LTBP1: variants seen among roughly 807,000 people sequenced by gnomAD.
The protein encoded by LTBP1 is latent transforming growth factor beta binding protein 1.
LTBP1 carries 129 observed loss-of-function variants against 207.6 expected under a neutral mutation model. The observed-to-expected ratio is 0.62, with a 90% CI of 0.54 to 0.72. The LOEUF is 0.72. Ranked by LOEUF, LTBP1 falls within the 30% of genes least tolerant of loss-of-function variation. The pLI, the probability that LTBP1 is intolerant of heterozygous loss-of-function variation, is 0.00. For synonymous variants in LTBP1, 963 were observed against 833.7 expected (o/e 1.16, Z -2.67); for missense variants, 2,281 against 2,217.2 (o/e 1.03, Z -0.58).
Position 32,947,562 on chromosome 2 carries a change from C to T in LTBP1, c.238C>T (p.Pro80Ser). The T allele has an allele frequency of 7.4e-7, 1 of 1,349,396 alleles. No homozygotes were observed. The highest frequency in any genetic ancestry group is 9.5e-7 in the Non-Finnish European group (1 of 1,053,556). The allele number at this position is 1,349,396 out of a possible 1,614,324, so 83.6% of individuals were successfully genotyped here. ...GAPSRASPGVPSERTRRTSKP... is the reference protein window; with the variant it reads ...GAPSRASPGVSSERTRRTSKP... ...CCCCAGCCGTGCCTCCCCCGGGGTC[C>T]CCTCGGAGAGGACCCGGCGCACGAG... is the stretch of plus-strand genomic sequence containing the variant. Residue 80 changes from proline (P) to serine (S), a missense_variant, in exon 1 of 34, where the codon CCC becomes TCC. This residue lies in a region of LTBP1 where 555 missense variants were observed against 491.0 expected (regional missense o/e 1.13). Transcript: ENST00000404816.
Position 33,232,907 on chromosome 2 carries a change from T to A in LTBP1, c.1877-10755T>A, listed in dbSNP as rs969070536. ...TAGTTGTTTTCTAGTGGTGCTTGAC[T>A]ACATTATACCAAAGTCTTCTGACTT... is the stretch of plus-strand genomic sequence containing the variant. On this transcript the variant is annotated intron_variant, in intron 9 of 33. Coordinates refer to ENST00000404816, the MANE Select transcript of LTBP1 (RefSeq NM_206943.4). Among the ~76,000 whole-genome samples, 10 of 152,184 alleles carry A rather than the reference T, an allele frequency of 6.6e-5. 1 individual carries two copies. Among genetic ancestry groups the A allele is most frequent in the African/African-American group, 2.4e-4 (10 of 41,458 alleles).
intron 3 of LTBP1, among the ~76,000 whole-genome samples, chr2:33,051,645 T>G (rs1013381152): frequency 2.3e-4 from 35 of 152,192 alleles, no homozygotes; most frequent in African/African-American, 8.4e-4. Flanking sequence ...TCAGTTGCCC[T>G]TGAGGCTGCT....
intron 31 of LTBP1, among the ~76,000 whole-genome samples, chr2:33,383,863 A>G (rs556431568): frequency 6.6e-6 from 1 of 152,310 alleles, no homozygotes; most frequent in Admixed American, 6.5e-5. Context: ...AATGCATGAA[A>G]ATTGGTCCTT....
intron 2 of LTBP1, among the ~76,000 whole-genome samples, chr2:33,013,403 G>T (rs1161204493): frequency 1.3e-5 from 2 of 149,834 alleles, no homozygotes; most frequent in African/African-American, 4.9e-5. Context: ...TTCATTTTTT[G>T]ATTTTGGTCT....
In LTBP1 at chr2:32,950,525, C is replaced by G. The variant is rs574841226; in HGVS notation, c.565+1580C>G. On this transcript the variant is annotated intron_variant, in intron 2 of 33. Coordinates refer to ENST00000404816, the MANE Select transcript of LTBP1 (RefSeq NM_206943.4). ...AGTGAGCCGAGATCGCTCCACTGCA[C>G]TCCAGCCTGGGTGACAATGACTCTG... Among the ~76,000 whole-genome samples the G allele has an allele frequency of 6.2e-3, 922 of 147,976 alleles. 8 individuals are homozygous for G. The highest frequency in any genetic ancestry group is 0.011 in the Non-Finnish European group (741 of 67,568).
rs549259432 is a variant in LTBP1, at chr2:33,398,991, C to G, written c.*446C>G. The G allele has an allele frequency of 6.5e-6, 1 of 152,950 alleles. No homozygotes were observed. The highest frequency in any genetic ancestry group is 1.5e-5 in the Non-Finnish European group (1 of 68,298). 9.5% of individuals were successfully genotyped at this position (152,950 alleles called of 1,614,324 possible). On this transcript the variant is annotated 3_prime_UTR_variant, in exon 34 of 34. Coordinates refer to ENST00000404816, the MANE Select transcript of LTBP1 (RefSeq NM_206943.4). ...TAAAAATCTCAAATGAAAAAGTCTTCGATACAATATTGTTAAGCTGTATTA... is the reference window on the plus strand; with the variant it reads ...TAAAAATCTCAAATGAAAAAGTCTTGGATACAATATTGTTAAGCTGTATTA...
intron 5 of LTBP1, among the ~76,000 whole-genome samples, chr2:33,173,400 T>G (rs2085673471): frequency 6.6e-6 from 1 of 152,074 alleles, no homozygotes; most frequent in Non-Finnish European, 1.5e-5. Flanking sequence ...AACTATAAAA[T>G]CTAGAAGAAA....
At chr2:33,030,330 A>AC (rs2075634046) in intron 3 of LTBP1, among the ~76,000 whole-genome samples, 1 of 151,978 alleles carries the variant, frequency 6.6e-6, no homozygotes, top group Non-Finnish European at 1.5e-5. Context: ...CCCATTCCTT[A>AC]CCCCCTGGGC....
intron 2 of LTBP1, among the ~76,000 whole-genome samples, chr2:32,951,889 T>C (rs1172672288): frequency 1.3e-5 from 2 of 152,210 alleles, no homozygotes; most frequent in Non-Finnish European, 2.9e-5. Flanking sequence ...TTGGGTATGG[T>C]TTATTACACA....
chr2:33,204,255 A>G (rs1573162937), intron 7 of LTBP1, among the ~76,000 whole-genome samples: 1 of 152,008 alleles, frequency 6.6e-6, no homozygotes, highest in African/African-American at 2.4e-5. Flanking sequence ...TAATTTATAT[A>G]TAGAATTGAA....
intron 3 of LTBP1, among the ~76,000 whole-genome samples, chr2:33,071,375 T>C (rs1188253874): frequency 3.3e-5 from 5 of 152,234 alleles, no homozygotes; most frequent in Non-Finnish European, 7.3e-5. Flanking sequence ...TGATGTCCCA[T>C]CATGTTTGTC....
At chr2:33,382,346 C>T (rs368284997) in intron 31 of LTBP1, among the ~76,000 whole-genome samples, 2 of 152,152 alleles carry the variant, frequency 1.3e-5, no homozygotes, top group South Asian at 2.1e-4. Context: ...CCACCCGCCT[C>T]GGGCTCCCAA....
Position 33,364,250 on chromosome 2 carries a change from T to C in LTBP1, c.4434T>C (p.Ile1478=), listed in dbSNP as rs2094958407. 6.2e-7 allele frequency: 1 copy of C among 1,613,938 alleles called. No homozygotes were observed. Among genetic ancestry groups the C allele is most frequent in the African/African-American group, 1.3e-5 (1 of 74,922 alleles). ...AATGTCAAGACCCCAGTAGTTGTAT[T>C]GATGGCCAGTGTGTTAATACAGAGG... ...MDECQDPSSC[I]DGQCVNTEGS... The change falls in exon 30 of 34, where the codon ATT becomes ATC. Residue 1478 remains isoleucine (I), a synonymous_variant. Transcript: ENST00000404816.
At chr2:33,270,639 G>A (rs2093300906) in intron 15 of LTBP1, among the ~76,000 whole-genome samples, 2 of 151,612 alleles carry the variant, frequency 1.3e-5, no homozygotes, top group African/African-American at 4.8e-5. Flanking sequence ...GCAAAGGATG[G>A]AAGGGATCTC....
intron 9 of LTBP1, among the ~76,000 whole-genome samples, chr2:33,240,615 C>G (rs908070544): frequency 1.4e-5 from 2 of 144,974 alleles, no homozygotes; most frequent in African/African-American, 2.6e-5. Flanking sequence ...GGAAGGGGCA[C>G]AAAGAACCTT....
chr2:33,314,374 A>AC (rs986484294), intron 23 of LTBP1, among the ~76,000 whole-genome samples: 1 of 152,022 alleles, frequency 6.6e-6, no homozygotes, highest in Non-Finnish European at 1.5e-5. Context: ...TCATAGTGAG[A>AC]CCCCATCTCT....
At chr2:33,276,010 C>T (rs898602411) in intron 18 of LTBP1, 87 bp downstream of exon 18, 6 of 1,473,680 alleles carry the variant, frequency 4.1e-6, no homozygotes, top group Non-Finnish European at 5.4e-6. Flanking sequence ...CCTTCCCACA[C>T]TCAGTGCGTG....
intron 24 of LTBP1, among the ~76,000 whole-genome samples, chr2:33,326,742 T>C (rs1434783420): frequency 2.0e-5 from 3 of 152,038 alleles, no homozygotes; most frequent in African/African-American, 7.3e-5. Context: ...CATTGCCGCC[T>C]CCGCCTCCTG....
intron 15 of LTBP1, among the ~76,000 whole-genome samples, chr2:33,271,971 C>T (rs565542851): frequency 4.6e-4 from 70 of 152,214 alleles, no homozygotes; most frequent in African/African-American, 1.6e-3. Context: ...ATGTATCTTC[C>T]TGAAAGTGAA....
Sources: gnomAD v4.1 joint callset for allele counts (sites outside exome capture counted in the v4.1 genomes callset) on GRCh38, gnomAD v4.1.1 for gene constraint, gnomAD v4.1.1 regional missense constraint, MANE v1.5 for transcripts, NCBI Gene and HGNC (gene_info 2026-07-23, HGNC 2026-07-21) for gene names.